Variants in RNF216 observed in about 807,000 individuals in gnomAD.
RNF216 encodes ring finger protein 216.
A neutral mutation model predicts 110.8 loss-of-function variants in RNF216; 72 were observed. That is an observed-to-expected ratio of 0.65 (90% CI 0.54 to 0.79). The LOEUF is 0.79. Among genes scored for constraint, RNF216 ranks in the 30% least tolerant of loss-of-function variants. The pLI, the probability that RNF216 is intolerant of heterozygous loss-of-function variation, is 0.00. For missense variants in RNF216, 1,342 were observed against 1,141.2 expected (o/e 1.18, Z -2.54); for synonymous variants, 495 against 407.5 (o/e 1.21, Z -2.59).
intron 13 of RNF216, among the ~76,000 whole-genome samples, chr7:5,677,686 C>G (rs1052163597): frequency 2.0e-5 from 3 of 152,160 alleles, no homozygotes; most frequent in African/African-American, 4.8e-5. Flanking sequence ...AGGTGAATCC[C>G]CTTCCAGTCC....
intron 14 of RNF216, among the ~76,000 whole-genome samples, chr7:5,651,204 G>A (rs759277255): frequency 6.6e-6 from 1 of 152,050 alleles, no homozygotes; most frequent in African/African-American, 2.4e-5. Flanking sequence ...CTTCAGGGAA[G>A]GGTGAAGCAG....
At chr7:5,732,074 C>G (rs1481066326) in intron 5 of RNF216, among the ~76,000 whole-genome samples, 2 of 152,192 alleles carry the variant, frequency 1.3e-5, no homozygotes, top group Admixed American at 6.5e-5. Flanking sequence ...GTCCACGGAA[C>G]ACAACGCCTG....
rs1176915693 is a variant in RNF216 at position 5,664,041 on chromosome 7, T to A, written c.2062-11531A>T. 2.0e-5 allele frequency among the ~76,000 whole-genome samples: 3 copies of A among 152,136 alleles called. No individual in the cohort carries two copies. In the East Asian group the frequency reaches 5.8e-4, roughly 29 times the overall value. ...GGCTCGTAATCAACCACCGTACATC[T>A]CAGGTATCTTTGGATTTCTAGGGCC... On this transcript the variant is annotated intron_variant, in intron 13 of 16. Transcript: ENST00000389902.
intron 13 of RNF216, among the ~76,000 whole-genome samples, chr7:5,656,889 G>A (rs373266864): frequency 1.3e-5 from 2 of 152,052 alleles, no homozygotes; most frequent in East Asian, 1.9e-4. Context: ...AAATGTATCC[G>A]GCCACCACCT....
intron 3 of RNF216, 142 bp from the exon 4 acceptor site, chr7:5,741,957 C>G: frequency 1.2e-6 from 1 of 817,548 alleles, no homozygotes; most frequent in Non-Finnish European, 1.9e-6. Context: ...TTACATTTAT[C>G]TTAACACTGA....
intron 1 of RNF216, among the ~76,000 whole-genome samples, chr7:5,778,474 A>G (rs988713983): frequency 6.6e-6 from 1 of 152,162 alleles, no homozygotes; most frequent in Non-Finnish European, 1.5e-5. Context: ...TTAGGAAACT[A>G]TGTGTAATTT....
chr7:5,693,245 G>A (rs920176796), intron 13 of RNF216, among the ~76,000 whole-genome samples: 1 of 152,214 alleles, frequency 6.6e-6, no homozygotes, highest in Non-Finnish European at 1.5e-5. Context: ...CGCTATAAAG[G>A]CAGAGTTAGG....
intron 13 of RNF216, among the ~76,000 whole-genome samples, chr7:5,664,071 A>G (rs963098313): frequency 6.6e-6 from 1 of 152,120 alleles, no homozygotes; most frequent in Non-Finnish European, 1.5e-5. Context: ...AGGGCCTAGC[A>G]CTAGATTTGA....
intron 1 of RNF216, chr7:5,777,370 T>G (rs1216876274): frequency 6.6e-6 from 1 of 152,210 alleles, no homozygotes; most frequent in Non-Finnish European, 1.5e-5. Context: ...GATTTTATTT[T>G]CTAGCCAATG....
At chr7:5,629,610 C>T (rs1786933386) in intron 15 of RNF216, among the ~76,000 whole-genome samples, 1 of 151,948 alleles carries the variant, frequency 6.6e-6, no homozygotes, top group South Asian at 2.1e-4. Flanking sequence ...GGGCGGATCA[C>T]GACGTCAGGA....
At chr7:5,634,052 A>G (rs1012154055) in intron 15 of RNF216, among the ~76,000 whole-genome samples, 4 of 152,248 alleles carry the variant, frequency 2.6e-5, no homozygotes, top group Non-Finnish European at 4.4e-5. Flanking sequence ...ATCAGCAGCC[A>G]CAGGCTGACT....
Position 5,623,968 on chromosome 7 carries a change from T to C in RNF216, c.2452+88A>G, listed in dbSNP as rs191497972. ...GCACCCCCTCCTCTCCTGTGCTGGG[T>C]TGAGTGCCAGGACACTCAGGGAGGC... On this transcript the variant is annotated intron_variant, in intron 16 of 16. Coordinates refer to ENST00000389902, the MANE Select transcript of RNF216 (RefSeq NM_207111.4). 36 of 1,139,368 alleles carry C rather than the reference T, an allele frequency of 3.2e-5. No individual in the cohort carries two copies. The East Asian group carries it at 3.4e-4, about 11-fold the overall frequency. 70.6% of individuals were successfully genotyped at this position (1,139,368 alleles called of 1,614,324 possible).
chr7:5,753,646 G>A lies in RNF216; in HGVS notation c.68-667C>T, dbSNP rs569100493. The stretch of plus-strand genomic sequence containing the variant: ...TATGAATTACTGGGTAACACAAACT[G>A]GTATTTTTTCCTGTCTAGTTCCATG... On this transcript the variant is annotated intron_variant, in intron 2 of 16. Coordinates refer to ENST00000389902, the MANE Select transcript of RNF216 (RefSeq NM_207111.4). 2.6e-5 allele frequency among the ~76,000 whole-genome samples: 4 copies of A among 152,160 alleles called. No homozygotes were observed. In the South Asian group the frequency reaches 8.3e-4, roughly 32 times the overall value.
rs374272752 is a variant in RNF216, at chr7:5,627,724, C to T, written c.2383-3599G>A. On this transcript the variant is annotated intron_variant, in intron 15 of 16. Coordinates refer to ENST00000389902, the MANE Select transcript of RNF216 (RefSeq NM_207111.4). ...ATCGCGCCACTGCACTCCAGCCTGGCGACAGAGGGAGACTCTGTCTAAAAA... is the reference window on the plus strand; with the variant it reads ...ATCGCGCCACTGCACTCCAGCCTGGTGACAGAGGGAGACTCTGTCTAAAAA... Among the ~76,000 whole-genome samples the T allele has an allele frequency of 1.3e-3, 195 of 149,894 alleles. 1 individual carries two copies. Among genetic ancestry groups the T allele is most frequent in the African/African-American group, 4.5e-3 (184 of 40,774 alleles).
chr7:5,718,963 C>T (rs1259433412), intron 9 of RNF216, among the ~76,000 whole-genome samples: 2 of 152,050 alleles, frequency 1.3e-5, no homozygotes, highest in East Asian at 1.9e-4. Context: ...TGGCCAGAAA[C>T]GAATAAACTT....
chr7:5,718,737 G>A (rs1793225742), intron 9 of RNF216, among the ~76,000 whole-genome samples: 1 of 152,080 alleles, frequency 6.6e-6, no homozygotes, highest in Non-Finnish European at 1.5e-5. Flanking sequence ...AGTAGAGACA[G>A]AGTTTTGCCA....
intron 5 of RNF216, among the ~76,000 whole-genome samples, chr7:5,734,017 C>T (rs1474890134): frequency 6.6e-6 from 1 of 152,020 alleles, no homozygotes; most frequent in East Asian, 1.9e-4. Context: ...ATTATCATGC[C>T]ACTTAGAAAC....
chr7:5,629,544 AG>A (rs1197176916), intron 15 of RNF216, among the ~76,000 whole-genome samples: 1 of 151,938 alleles, frequency 6.6e-6, no homozygotes, highest in African/African-American at 2.4e-5. Flanking sequence ...AAAAAGAGGG[AG>A]GGGCCAGAAG....
At chr7:5,694,564 G>A (rs1357923739) in intron 13 of RNF216, among the ~76,000 whole-genome samples, 1 of 152,226 alleles carries the variant, frequency 6.6e-6, no homozygotes, top group African/African-American at 2.4e-5. Context: ...ATTAAGGTAA[G>A]TTTAAACGAC....
Sources: gnomAD v4.1 joint callset for allele counts (sites outside exome capture counted in the v4.1 genomes callset) on GRCh38, gnomAD v4.1.1 for gene constraint, MANE v1.5 for transcripts, NCBI Gene and HGNC (gene_info 2026-07-23, HGNC 2026-07-21) for gene names.